ERAP2: variants seen among roughly 807,000 people sequenced by gnomAD.
The protein encoded by ERAP2 is endoplasmic reticulum aminopeptidase 2.
Under a neutral mutation model 111.1 loss-of-function variants are expected in ERAP2, and 118 were observed. The ratio of observed to expected loss-of-function variants is 1.06; its 90% CI spans 0.92 to 1.24. The LOEUF (loss-of-function observed/expected upper bound fraction) is 1.24. ERAP2 is among the 50% of genes most tolerant of loss of function. The probability of loss-of-function intolerance (pLI) is 0.00; values close to 1 mark genes in which losing one functional copy is unlikely to be tolerated. For missense variants in ERAP2, 1,131 were observed against 1,125.8 expected (o/e 1.00, Z -0.07); for synonymous variants, 410 against 401.2 (o/e 1.02, Z -0.26).
rs779186646 is a variant in ERAP2, at chr5:96,889,180, C to T, written c.850-5C>T. On this transcript the variant is annotated splice_region_variant and splice_polypyrimidine_tract_variant and intron_variant, in intron 4 of 18. Transcript: ENST00000437043. ...CAAAAACCTCTTCTGATCCACATTT[C>T]CCAGGTGTCCATCTATGCATCCCCA... 25 of 1,613,790 alleles carry T rather than the reference C, an allele frequency of 1.5e-5. No individual in the cohort carries two copies. The highest frequency in any genetic ancestry group is 4.0e-5 in the African/African-American group (3 of 74,930).
chr5:96,903,682 A>ATC, intron 13 of ERAP2, 122 bp downstream of exon 13: 5 of 887,374 alleles, frequency 5.6e-6, no homozygotes, highest in South Asian at 2.0e-5. Flanking sequence ...TGGAATTCAA[A>ATC]CAGTGATCAC....
In ERAP2 at chr5:96,900,119, A is replaced by G; in HGVS notation, c.1504-2A>G. On this transcript the variant is annotated splice_acceptor_variant, in intron 9 of 18. Transcript: ENST00000437043. LOFTEE classifies it high-confidence loss of function. ...CAGTGCTCTTTTGTTCTTGTTTTGT[A>G]GAGTTGTTTAGAAAGTGATTTTACA... 1 of 1,613,670 alleles carries G rather than the reference A, an allele frequency of 6.2e-7. No individual in the cohort carries two copies. Among genetic ancestry groups the G allele is most frequent in the Non-Finnish European group, 8.5e-7 (1 of 1,179,736 alleles).
At chr5:96,878,002 C>T (rs975880136) in intron 1 of ERAP2, among the ~76,000 whole-genome samples, 1 of 152,022 alleles carries the variant, frequency 6.6e-6, no homozygotes, top group Non-Finnish European at 1.5e-5. Context: ...CAGAGAAAAC[C>T]TTCATGGTTT....
In ERAP2 at chr5:96,895,477, T is replaced by C. The variant is rs182348298; in HGVS notation, c.1239+118T>C. On this transcript the variant is annotated intron_variant, in intron 7 of 18. Transcript: ENST00000437043. The stretch of plus-strand genomic sequence containing the variant: ...CATAATGTTGTGGTTTTTGAACATA[T>C]GGCATTTTGTTTGATACACGAAACA... 17 of 744,388 alleles carry C rather than the reference T, an allele frequency of 2.3e-5. No individual in the cohort carries two copies. In the African/African-American group the frequency reaches 2.4e-4, roughly 10 times the overall value. 46.1% of individuals were successfully genotyped at this position (744,388 alleles called of 1,614,324 possible).
intron 5 of ERAP2, among the ~76,000 whole-genome samples, chr5:96,889,717 A>G (rs1282429109): frequency 2.0e-5 from 3 of 152,028 alleles, no homozygotes; most frequent in South Asian, 2.1e-4. Context: ...GCGGACATCA[A>G]CGCTCTCATC....
intron 2 of ERAP2, chr5:96,881,594 A>G (rs964211188): frequency 9.3e-6 from 4 of 427,832 alleles, no homozygotes; most frequent in African/African-American, 8.1e-5. Flanking sequence ...TTTCTCATGC[A>G]ACAAGAAGTC....
chr5:96,877,134 C>A (rs1782615529), intron 1 of ERAP2, among the ~76,000 whole-genome samples: 1 of 152,024 alleles, frequency 6.6e-6, no homozygotes. Flanking sequence ...GCCACCATGC[C>A]CGGCTAATTT....
intron 16 of ERAP2, among the ~76,000 whole-genome samples, chr5:96,913,010 C>T (rs1290249700): frequency 6.6e-6 from 1 of 152,078 alleles, no homozygotes. Context: ...TGAGACTAGA[C>T]AAGCGGTTAT....
In ERAP2 at chr5:96,913,383, G is replaced by A. The variant is rs1054932955; in HGVS notation, c.2583G>A (p.Ala861=). Residue 861 remains alanine (A), a synonymous_variant, in exon 17 of 19, where the codon GCG becomes GCA. Coordinates refer to ENST00000437043, the MANE Select transcript of ERAP2 (RefSeq NM_022350.5). ...KTQNLAALLH[A]IARRPKGQQL... ...AGAACTTGGCAGCTCTCCTTCATGC[G>A]ATTGCCAGACGTCCAAAGGGGCAGC... 2.5e-6 allele frequency: 4 copies of A among 1,613,978 alleles called. No homozygotes were observed. The highest frequency in any genetic ancestry group is 3.4e-6 in the Non-Finnish European group (4 of 1,179,918).
At chr5:96,895,907 C>T (rs923723687) in intron 7 of ERAP2, among the ~76,000 whole-genome samples, 1 of 152,158 alleles carries the variant, frequency 6.6e-6, no homozygotes, top group South Asian at 2.1e-4. Context: ...TAGTCCAGTA[C>T]ACTATAGACA....
chr5:96,901,203 C>CTTGT (rs1255811384), intron 10 of ERAP2, among the ~76,000 whole-genome samples: 1 of 151,814 alleles, frequency 6.6e-6, no homozygotes, highest in Non-Finnish European at 1.5e-5. Flanking sequence ...TGTTTGTTTG[C>CTTGT]TTGTTTTTGA....
chr5:96,909,857 G>A, intron 15 of ERAP2, 93 bp downstream of exon 15: 4 of 1,293,902 alleles, frequency 3.1e-6, no homozygotes, highest in Non-Finnish European at 3.2e-6. Context: ...ACCTTTTAGT[G>A]AGGATAGAAA....
At position 96,895,276 on chromosome 5, in the gene ERAP2, T is replaced by C; in HGVS notation, c.1156T>C (p.Trp386Arg). The change falls in exon 7 of 19, where the codon TGG becomes CGG. Residue 386 changes from tryptophan (W) to arginine (R), a missense_variant. Trp to Arg is a moderately radical substitution (Grantham distance 101). This residue lies in a region of ERAP2 where 847 missense variants were observed against 856.5 expected (regional missense o/e 0.99). Coordinates refer to ENST00000437043, the MANE Select transcript of ERAP2 (RefSeq NM_022350.5). ...TGGCAACCTGGTCACAATGGAATGG[T>C]GGAATGATATTTGGCTTAAGGAGGG... is the stretch of plus-strand genomic sequence containing the variant. Reference protein sequence around the residue: ...WFGNLVTMEWWNDIWLKEGFA... With the variant: ...WFGNLVTMEWRNDIWLKEGFA... 2 of 1,612,662 alleles carry C rather than the reference T, an allele frequency of 1.2e-6. No individual in the cohort carries two copies. The highest frequency in any genetic ancestry group is 1.7e-6 in the Non-Finnish European group (2 of 1,179,174).
At chr5:96,881,985 C>T (rs957948698) in intron 2 of ERAP2, among the ~76,000 whole-genome samples, 1 of 90,706 alleles carries the variant, frequency 1.1e-5, no homozygotes, top group African/African-American at 4.4e-5. Context: ...AAATGGGTAT[C>T]AGGAAGTGAC....
chr5:96,879,412 G>A (rs1782911804), intron 1 of ERAP2, among the ~76,000 whole-genome samples, 152 bp from the exon 2 acceptor site: 1 of 152,158 alleles, frequency 6.6e-6, no homozygotes, highest in African/African-American at 2.4e-5. Context: ...CCAGATAACA[G>A]CTTAATTTCT....
At chr5:96,907,260 A>T (rs1180641848) in intron 13 of ERAP2, among the ~76,000 whole-genome samples, 1 of 152,178 alleles carries the variant, frequency 6.6e-6, no homozygotes, top group East Asian at 1.9e-4. Context: ...GAGGACTTAG[A>T]TTTTTTAATT....
Position 96,901,697 on chromosome 5 carries a change from CT to C in ERAP2, c.1748+19del. ...TGCAGGAGAGGTGGCTGCTTTTCTTCTTTAGGTCTAGCTTACCTCATCTCAG... is the reference window on the plus strand; with the variant it reads ...TGCAGGAGAGGTGGCTGCTTTTCTTCTTAGGTCTAGCTTACCTCATCTCAG... On this transcript the variant is annotated intron_variant, in intron 11 of 18. Coordinates refer to ENST00000437043, the MANE Select transcript of ERAP2 (RefSeq NM_022350.5). The C allele has an allele frequency of 6.2e-7, 1 of 1,612,006 alleles. No individual in the cohort carries two copies. Among genetic ancestry groups the C allele is most frequent in the Non-Finnish European group, 8.5e-7 (1 of 1,179,202 alleles).
At chr5:96,878,680 C>T (rs1263241275) in intron 1 of ERAP2, among the ~76,000 whole-genome samples, 1 of 152,062 alleles carries the variant, frequency 6.6e-6, no homozygotes, top group Non-Finnish European at 1.5e-5. Flanking sequence ...GTGATCTCAG[C>T]ACTTTGGGAG....
At chr5:96,910,964 A>G (rs894760090) in intron 15 of ERAP2, among the ~76,000 whole-genome samples, 3 of 152,232 alleles carry the variant, frequency 2.0e-5, no homozygotes, top group Non-Finnish European at 4.4e-5. Flanking sequence ...CAATTGTTAT[A>G]AAGTTGTTCA....
Sources: allele counts gnomAD v4.1 joint callset (sites outside exome capture counted in the v4.1 genomes callset), GRCh38; gene constraint gnomAD v4.1.1; regional missense constraint gnomAD v4.1.1; transcripts MANE v1.5; gene names NCBI Gene and HGNC (gene_info 2026-07-23, HGNC 2026-07-21).